CMAS: variants seen among roughly 807,000 people sequenced by gnomAD.
CMAS encodes N-acylneuraminate cytidylyltransferase.
Under a neutral mutation model 53.4 loss-of-function variants are expected in CMAS, and 21 were observed. The observed-to-expected ratio is 0.39, with a 90% CI of 0.28 to 0.57. The LOEUF is 0.57. Ranked by LOEUF, CMAS falls within the 20% of genes least tolerant of loss-of-function variation. The probability of loss-of-function intolerance (pLI) is 0.56; values close to 1 mark genes in which losing one functional copy is unlikely to be tolerated. For synonymous variants in CMAS, 189 were observed against 195.2 expected (o/e 0.97, Z 0.27); for missense variants, 384 against 534.9 (o/e 0.72, Z 2.78).
chr12:22,053,488 GTA>G (rs553406435), intron 1 of CMAS, among the ~76,000 whole-genome samples: 9 of 144,714 alleles, frequency 6.2e-5, no homozygotes, highest in Admixed American at 2.1e-4. Context: ...GTTTGTGTGT[GTA>G]TATATATATA....
intron 3 of CMAS, among the ~76,000 whole-genome samples, chr12:22,056,204 TA>T (rs922706031): frequency 5.9e-5 from 9 of 152,112 alleles, no homozygotes; most frequent in Non-Finnish European, 1.3e-4. Context: ...TTATCCATTT[TA>T]AAAAAAGGTC....
At chr12:22,047,117 A>C (rs1473071785) in intron 1 of CMAS, among the ~76,000 whole-genome samples, 3 of 152,208 alleles carry the variant, frequency 2.0e-5, no homozygotes, top group Non-Finnish European at 4.4e-5. Context: ...CCTGTGAGTC[A>C]GCACAATCTA....
chr12:22,055,364 G>A, intron 2 of CMAS, 73 bp downstream of exon 2: 1 of 1,477,156 alleles, frequency 6.8e-7, no homozygotes, highest in Non-Finnish European at 9.1e-7. Flanking sequence ...TATAAGACTT[G>A]TTTTAACATT....
chr12:22,062,421 A>C lies in CMAS; in HGVS notation c.1101A>C (p.Glu367Asp). Reference protein sequence around the residue: ...WRKEMGLCWKEVAYLGNEVSD... With the variant: ...WRKEMGLCWKDVAYLGNEVSD... ...AAGAAATGGGCCTGTGCTGGAAAGA[A>C]GTGGCATATCTTGGTTGGTATCTTT... The change falls in exon 7 of 8, where the codon GAA becomes GAC. Residue 367 changes from glutamate (E) to aspartate (D), a missense_variant. Glu to Asp is a conservative substitution (Grantham distance 45, BLOSUM62 2). Coordinates refer to ENST00000229329, the MANE Select transcript of CMAS (RefSeq NM_018686.6). The C allele has an allele frequency of 6.2e-7, 1 of 1,613,282 alleles. No individual in the cohort carries two copies. The highest frequency in any genetic ancestry group is 8.5e-7 in the Non-Finnish European group (1 of 1,179,688).
At chr12:22,060,367 C>G (rs7979140) in intron 4 of CMAS, among the ~76,000 whole-genome samples, 11 of 85,440 alleles carry the variant, frequency 1.3e-4, no homozygotes, top group Admixed American at 2.6e-4. Context: ...AAAAGCTGGG[C>G]GTGGTGGCTG....
chr12:22,047,213 C>G (rs1186471961), intron 1 of CMAS, among the ~76,000 whole-genome samples: 1 of 152,136 alleles, frequency 6.6e-6, no homozygotes, highest in Admixed American at 6.5e-5. Context: ...ACTTACAAAT[C>G]ATTTAATCAT....
chr12:22,047,697 G>A (rs909383059), intron 1 of CMAS, among the ~76,000 whole-genome samples: 1 of 152,138 alleles, frequency 6.6e-6, no homozygotes, highest in Admixed American at 6.5e-5. Flanking sequence ...GGAGAGATAG[G>A]GAAGGACCTG....
At chr12:22,059,958 C>G (rs1950297294) in intron 4 of CMAS, among the ~76,000 whole-genome samples, 5 of 152,040 alleles carry the variant, frequency 3.3e-5, no homozygotes, top group Admixed American at 3.3e-4. Context: ...CAAGAGACTG[C>G]CCTTGCCTTT....
chr12:22,051,055 C>T (rs374086643), intron 1 of CMAS, among the ~76,000 whole-genome samples: 1 of 152,132 alleles, frequency 6.6e-6, no homozygotes, highest in South Asian at 2.1e-4. Context: ...TTTCAGGGCT[C>T]GAAGATACCT....
At chr12:22,052,856 T>C (rs185628723) in intron 1 of CMAS, among the ~76,000 whole-genome samples, 164 of 152,324 alleles carry the variant, frequency 1.1e-3, no homozygotes, top group African/African-American at 3.9e-3. Context: ...TGATTATTTT[T>C]TCTTACTGAC....
Position 22,065,226 on chromosome 12 carries a change from G to A in CMAS, c.1220G>A (p.Cys407Tyr), listed in dbSNP as rs140709416. 838 of 1,614,152 alleles carry A rather than the reference G, an allele frequency of 5.2e-4. 13 individuals are homozygous for A. In the South Asian group the frequency reaches 8.8e-3, roughly 17 times the overall value. Residue 407 changes from cysteine (C) to tyrosine (Y), a missense_variant, in exon 8 of 8, where the codon TGT (cysteine) becomes TAT (tyrosine). By Grantham distance (194) the Cys-to-Tyr change is radical. This residue lies in a region of CMAS where 134 missense variants were observed against 154.6 expected (regional missense o/e 0.87). Transcript: ENST00000229329. ...AQKAVGYICK[C>Y]NGGRGAIREF... The stretch of plus-strand genomic sequence containing the variant: ...AAGGCTGTTGGATACATTTGCAAAT[G>A]TAATGGTGGCCGTGGTGCCATCCGA...
intron 1 of CMAS, among the ~76,000 whole-genome samples, chr12:22,053,486 G>T (rs1484019436): frequency 2.0e-5 from 3 of 147,290 alleles, no homozygotes; most frequent in Admixed American, 6.9e-5. Flanking sequence ...ATGTTTGTGT[G>T]TGTATATATA....
rs369206893 is a variant in CMAS, at chr12:22,055,338, A to C, written c.403+47A>C. The stretch of plus-strand genomic sequence containing the variant: ...TATTCAAACCTTTATGTACTTTTCT[A>C]CTTCCTTTATTATCTTATAAGACTT... On this transcript the variant is annotated intron_variant, in intron 2 of 7. Coordinates refer to ENST00000229329, the MANE Select transcript of CMAS (RefSeq NM_018686.6). The C allele has an allele frequency of 2.0e-6, 3 of 1,500,822 alleles. No individual in the cohort carries two copies. The Admixed American group carries it at 6.2e-5, about 31-fold the overall frequency. 93.0% of individuals were successfully genotyped at this position (1,500,822 alleles called of 1,614,324 possible).
intron 1 of CMAS, among the ~76,000 whole-genome samples, 173 bp downstream of exon 1, chr12:22,046,736 A>G (rs1950209300): frequency 6.6e-6 from 1 of 152,166 alleles, no homozygotes; most frequent in Non-Finnish European, 1.5e-5. Flanking sequence ...CCCAGGAGGA[A>G]GGGCTCCAGC....
chr12:22,048,636 C>T (rs1453627678), intron 1 of CMAS, among the ~76,000 whole-genome samples: 1 of 152,156 alleles, frequency 6.6e-6, no homozygotes, highest in Non-Finnish European at 1.5e-5. Flanking sequence ...CTTTCCCTGC[C>T]TTTTGAGATG....
At position 22,054,819 on chromosome 12, in the gene CMAS, G is replaced by A. The variant is rs182247578; in HGVS notation, c.261-330G>A. Among the ~76,000 whole-genome samples the A allele has an allele frequency of 1.9e-3, 296 of 152,080 alleles. 6 individuals carry two copies. The South Asian group carries it at 0.034, about 17-fold the overall frequency. ...AGGGGTTCGGTGTACAGATTATTTCGTCATTCAGGTAGTAAGCATAGTACC... is the reference window on the plus strand; with the variant it reads ...AGGGGTTCGGTGTACAGATTATTTCATCATTCAGGTAGTAAGCATAGTACC... On this transcript the variant is annotated intron_variant, in intron 1 of 7. Transcript: ENST00000229329.
rs374284736 is a variant in CMAS at position 22,065,320 on chromosome 12, G to A, written c.*9G>A. 2.5e-5 allele frequency: 40 copies of A among 1,595,100 alleles called. No homozygotes were observed. The highest frequency in any genetic ancestry group is 1.0e-4 in the Admixed American group (6 of 59,050). ...ATTCATGCCAAAAATAGAAATTAGC[G>A]TAATATTGAGAAAAAAATGATACAG... On this transcript the variant is annotated 3_prime_UTR_variant, in exon 8 of 8. Transcript: ENST00000229329.
intron 7 of CMAS, among the ~76,000 whole-genome samples, chr12:22,063,560 C>CAGAT (rs1449113511): frequency 1.3e-5 from 2 of 151,982 alleles, no homozygotes; most frequent in African/African-American, 4.8e-5. Context: ...ATAGTGCCTA[C>CAGAT]AGATAGTAAT....
intron 1 of CMAS, among the ~76,000 whole-genome samples, chr12:22,053,020 G>T (rs746268427): frequency 4.6e-5 from 7 of 152,188 alleles, no homozygotes; most frequent in African/African-American, 1.4e-4. Context: ...TCAGCCGAGC[G>T]TGGTGGCTTA....
Sources: allele counts gnomAD v4.1 joint callset (sites outside exome capture counted in the v4.1 genomes callset), GRCh38; gene constraint gnomAD v4.1.1; regional missense constraint gnomAD v4.1.1; transcripts MANE v1.5; gene names NCBI Gene and HGNC (gene_info 2026-07-23, HGNC 2026-07-21).